Variants in MYL3 observed in about 807,000 individuals in gnomAD.
The protein encoded by MYL3 is myosin light chain 3.
MYL3 carries 11 observed loss-of-function variants against 21.3 expected under a neutral mutation model. The observed-to-expected ratio is 0.52, with a 90% CI of 0.32 to 0.85. The LOEUF is 0.85. MYL3 is among the 40% of genes least tolerant of loss of function. MYL3 has a pLI of 0.03. For missense variants in MYL3, 206 were observed against 253.3 expected (o/e 0.81, Z 1.27); for synonymous variants, 88 against 91.6 (o/e 0.96, Z 0.22).
chr3:46,867,874 T>G (rs1702062473), upstream of MYL3, among the ~76,000 whole-genome samples: 1 of 152,224 alleles, frequency 6.6e-6, no homozygotes, highest in Non-Finnish European at 1.5e-5. Flanking sequence ...TCCACATAGA[T>G]GTGAACCCAC....
In MYL3 at chr3:46,874,712, T is replaced by G. The variant is rs1575501666; in HGVS notation, c.-218+7362A>C. Among the ~76,000 whole-genome samples the G allele has an allele frequency of 2.0e-5, 3 of 151,388 alleles. No homozygotes were observed. Among genetic ancestry groups the G allele is most frequent in the African/African-American group, 7.3e-5 (3 of 41,048 alleles). ...CGTGTCAAACACGCCTGGGAGGGGG[T>G]ATTCCGAGGCACAGACCCCCCCCCA... On this transcript the variant is annotated intron_variant, in intron 1 of 3. Coordinates refer to the MYL3 transcript ENST00000431168. This position sits in a 1 kb window ranked among gnomAD's most constrained non-coding sequence, Gnocchi z 4.1.
chr3:46,879,090 C>T lies in MYL3; in HGVS notation c.-218+2984G>A, dbSNP rs569443515. Among the ~76,000 whole-genome samples, 4 of 152,172 alleles carry T rather than the reference C, an allele frequency of 2.6e-5. No homozygotes were observed. The highest frequency in any genetic ancestry group is 2.1e-4 in the South Asian group (1 of 4,822). On this transcript the variant is annotated intron_variant, in intron 1 of 3. Coordinates refer to the MYL3 transcript ENST00000431168. This position sits in a 1 kb window ranked among gnomAD's most constrained non-coding sequence, Gnocchi z 4.7. The stretch of plus-strand genomic sequence containing the variant: ...CATGGTAGCACTTTAACCAGAGGCC[C>T]GAGGGTGAGAGAGATGATCTGTGGC...
upstream of MYL3, among the ~76,000 whole-genome samples, chr3:46,867,055 T>C (rs1702053050): frequency 4.0e-5 from 6 of 151,228 alleles, no homozygotes; most frequent in Admixed American, 3.9e-4. Flanking sequence ...GGTCTCACAA[T>C]TTGAGTGCCA....
upstream of MYL3, among the ~76,000 whole-genome samples, chr3:46,865,915 G>A (rs925715117): frequency 6.6e-6 from 1 of 152,160 alleles, no homozygotes; most frequent in African/African-American, 2.4e-5. This position sits in a 1 kb window ranked among gnomAD's most constrained non-coding sequence, Gnocchi z 4.3. Context: ...CCTGAGCTCT[G>A]ATTCTGGGCA....
rs1701979336 is a variant in MYL3, at chr3:46,860,524, C to A, written c.307+152G>T. On this transcript the variant is annotated intron_variant, in intron 3 of 6. Coordinates refer to ENST00000292327, the MANE Select transcript of MYL3 (RefSeq NM_000258.3). The surrounding 1 kb of genome is among the most constrained non-coding windows in gnomAD (Gnocchi z 4.6). ...AAACCATTACTGCATGTCACCTGGT[C>A]GGCATGGCCCTGTGACTGGCCTCGG... 1 of 1,090,068 alleles carries A rather than the reference C, an allele frequency of 9.2e-7. No homozygotes were observed. The highest frequency in any genetic ancestry group is 1.3e-6 in the Non-Finnish European group (1 of 757,144). The allele number at this position is 1,090,068 out of a possible 1,614,324, so 67.5% of individuals were successfully genotyped here.
At chr3:46,866,931 C>T (rs1702052381), upstream of MYL3, among the ~76,000 whole-genome samples, 2 of 152,162 alleles carry the variant, frequency 1.3e-5, no homozygotes, top group Admixed American at 6.5e-5. Context: ...CAGCAGGGGG[C>T]GCAGAAGGGA....
chr3:46,864,319 C>A (rs1702026774), upstream of MYL3, among the ~76,000 whole-genome samples: 1 of 152,080 alleles, frequency 6.6e-6, no homozygotes, highest in African/African-American at 2.4e-5. This position sits in a 1 kb window ranked among gnomAD's most constrained non-coding sequence, Gnocchi z 4.7. Context: ...GGAACCCCCA[C>A]AAAGGGCAAG....
chr3:46,858,350 C>T (rs368826045), intron 5 of MYL3, 34 bp downstream of exon 5: 50 of 1,614,008 alleles, frequency 3.1e-5, no homozygotes, highest in Non-Finnish European at 2.5e-5. Context: ...CCAGCACTCC[C>T]CTCCCAGAAG....
chr3:46,880,894 G>A (rs2030515465), intron 1 of MYL3, among the ~76,000 whole-genome samples: 2 of 152,196 alleles, frequency 1.3e-5, no homozygotes, highest in Admixed American at 1.3e-4. Context: ...TGACAGATTT[G>A]CACTGAGGGT....
chr3:46,858,193 G>A (rs373220421), intron 6 of MYL3, 38 bp downstream of exon 6: 48 of 1,608,952 alleles, frequency 3.0e-5, no homozygotes, highest in South Asian at 4.4e-5. Context: ...AGTGTGGGCA[G>A]GTGGCAGCAG....
chr3:46,871,114 C>A (rs1408380084), intron 1 of MYL3, among the ~76,000 whole-genome samples: 1 of 152,196 alleles, frequency 6.6e-6, no homozygotes, highest in Admixed American at 6.5e-5. Flanking sequence ...ACCTAATGCA[C>A]CACATCTTTT....
At chr3:46,869,127 C>G (rs770899799) in intron 1 of MYL3, among the ~76,000 whole-genome samples, 12 of 152,154 alleles carry the variant, frequency 7.9e-5, no homozygotes, top group South Asian at 4.1e-4. Flanking sequence ...CCCCTCCCCC[C>G]ACAGCATGGC....
intron 1 of MYL3, among the ~76,000 whole-genome samples, chr3:46,862,988 C>T (rs558263121): frequency 3.8e-4 from 58 of 152,338 alleles, no homozygotes; most frequent in African/African-American, 1.2e-3. Context: ...TTTCCAAAAC[C>T]ACTAAAAAGA....
At chr3:46,864,379 G>A (rs1702027318), upstream of MYL3, among the ~76,000 whole-genome samples, 1 of 152,028 alleles carries the variant, frequency 6.6e-6, no homozygotes, top group Non-Finnish European at 1.5e-5. This position sits in a 1 kb window ranked among gnomAD's most constrained non-coding sequence, Gnocchi z 4.7. Context: ...CAGTTCAGCA[G>A]CCTCCCTCTT....
At chr3:46,863,663 G>T (rs1702015669), upstream of MYL3, among the ~76,000 whole-genome samples, 1 of 152,066 alleles carries the variant, frequency 6.6e-6, no homozygotes, top group Non-Finnish European at 1.5e-5. Context: ...GAGGGAGAGA[G>T]GGGGACAAAG....
intron 1 of MYL3, among the ~76,000 whole-genome samples, chr3:46,876,302 G>T (rs2030209230): frequency 6.6e-6 from 1 of 152,222 alleles, no homozygotes; most frequent in Non-Finnish European, 1.5e-5. Context: ...GGACTCAGGG[G>T]AGGTAGAGGC....
intron 1 of MYL3, among the ~76,000 whole-genome samples, chr3:46,862,728 C>T (rs1260680876): frequency 6.6e-6 from 1 of 152,236 alleles, no homozygotes; most frequent in African/African-American, 2.4e-5. Context: ...CCCCAGCCAG[C>T]TGATGCTTCA....
At chr3:46,864,663 T>A (rs1702030005), upstream of MYL3, among the ~76,000 whole-genome samples, 1 of 152,122 alleles carries the variant, frequency 6.6e-6, no homozygotes, top group Non-Finnish European at 1.5e-5. This position sits in a 1 kb window ranked among gnomAD's most constrained non-coding sequence, Gnocchi z 4.7. Flanking sequence ...AGGGTCTGCC[T>A]CTCTGAGGAA....
chr3:46,863,603 G>C (rs1702015023), upstream of MYL3: 14 of 559,750 alleles, frequency 2.5e-5, no homozygotes. Context: ...CTCAGGAATG[G>C]GTAGTGGAGG....
Sources: gnomAD v4.1 joint callset for allele counts (sites outside exome capture counted in the v4.1 genomes callset) on GRCh38, gnomAD v4.1.1 for gene constraint, Gnocchi (gnomAD v3.1) non-coding constraint, MANE v1.5 for transcripts, NCBI Gene and HGNC (gene_info 2026-07-23, HGNC 2026-07-21) for gene names.